The following PLCB1 variants were observed in gnomAD, a reference collection of about 807,000 sequenced individuals.
The protein encoded by PLCB1 is 1-phosphatidylinositol 4,5-bisphosphate phosphodiesterase beta-1.
A neutral mutation model predicts 161.8 loss-of-function variants in PLCB1; 46 were observed. The ratio of observed to expected loss-of-function variants is 0.28; its 90% confidence interval spans 0.22 to 0.36. The LOEUF (loss-of-function observed/expected upper bound fraction) is 0.36, where lower values mean the gene tolerates loss of function less well. PLCB1 is among the 10% of genes least tolerant of loss of function. PLCB1 has a pLI of 1.00. For missense variants in PLCB1, 1,016 were observed against 1,472.5 expected (o/e 0.69, Z 5.07); for synonymous variants, 517 against 503.7 (o/e 1.03, Z -0.35).
At chr20:8,210,245 T>C (rs1000822972) in intron 2 of PLCB1, among the ~76,000 whole-genome samples, 1 of 152,174 alleles carries the variant, frequency 6.6e-6, no homozygotes, top group South Asian at 2.1e-4. Flanking sequence ...AGTATTTCTC[T>C]TTTTCTTTTT....
chr20:8,722,492 C>T (rs1263346186), intron 15 of PLCB1, 71 bp downstream of exon 15: 2 of 1,137,514 alleles, frequency 1.8e-6, no homozygotes, highest in Admixed American at 5.7e-5. Flanking sequence ...GTCTCATGGT[C>T]ACTTTCTGCC....
chr20:8,401,804 A>C (rs761175771), intron 3 of PLCB1, among the ~76,000 whole-genome samples: 31 of 152,148 alleles, frequency 2.0e-4, no homozygotes, highest in Non-Finnish European at 3.4e-4. Context: ...CTTATTGACC[A>C]TGTCCAAGTC....
chr20:8,226,832 C>A (rs1192236886), intron 2 of PLCB1, among the ~76,000 whole-genome samples: 2 of 151,806 alleles, frequency 1.3e-5, no homozygotes, highest in Admixed American at 6.6e-5. Context: ...AGATTACAGG[C>A]ACCTGCCACT....
intron 2 of PLCB1, among the ~76,000 whole-genome samples, chr20:8,280,287 G>C (rs1289606003): frequency 6.6e-6 from 1 of 150,454 alleles, no homozygotes; most frequent in African/African-American, 2.5e-5. Flanking sequence ...TTGAGCAGAG[G>C]TCACACAATT....
intron 3 of PLCB1, among the ~76,000 whole-genome samples, chr20:8,543,889 C>A (rs376025074): frequency 6.6e-6 from 1 of 152,138 alleles, no homozygotes; most frequent in South Asian, 2.1e-4. Context: ...TTGTAAGTTT[C>A]CTGAGGCCTC....
At chr20:8,869,389 C>G (rs1237591054) in intron 31 of PLCB1, among the ~76,000 whole-genome samples, 1 of 152,122 alleles carries the variant, frequency 6.6e-6, no homozygotes, top group Non-Finnish European at 1.5e-5. Context: ...AGAAAGTATT[C>G]CAGTGCTGAC....
At chr20:8,497,764 GAATA>G (rs932266865) in intron 3 of PLCB1, among the ~76,000 whole-genome samples, 2 of 152,072 alleles carry the variant, frequency 1.3e-5, no homozygotes, top group African/African-American at 4.8e-5. Flanking sequence ...AATATGTTTT[GAATA>G]AATAAAGTAT....
At chr20:8,514,782 CTTATA>C (rs1413890131) in intron 3 of PLCB1, among the ~76,000 whole-genome samples, 1 of 151,958 alleles carries the variant, frequency 6.6e-6, no homozygotes, top group Non-Finnish European at 1.5e-5. Flanking sequence ...GGTGAATATT[CTTATA>C]TTATTATTTT....
At chr20:8,857,147 G>A (rs369561986) in intron 31 of PLCB1, among the ~76,000 whole-genome samples, 1 of 152,200 alleles carries the variant, frequency 6.6e-6, no homozygotes, top group Admixed American at 6.5e-5. Context: ...TTGTTCACTT[G>A]CTGGTGGCAG....
intron 3 of PLCB1, among the ~76,000 whole-genome samples, chr20:8,398,503 G>A (rs975060405): frequency 6.6e-6 from 1 of 152,108 alleles, no homozygotes; most frequent in African/African-American, 2.4e-5. Flanking sequence ...TGTCTGCTGA[G>A]GGCCCACTTC....
chr20:8,763,780 A>C (rs1451788164), intron 25 of PLCB1, among the ~76,000 whole-genome samples: 1 of 152,070 alleles, frequency 6.6e-6, no homozygotes, highest in Admixed American at 6.5e-5. Context: ...CGGCCTCCCA[A>C]AGTGCTGGGA....
intron 3 of PLCB1, among the ~76,000 whole-genome samples, chr20:8,439,298 C>G (rs1439178870): frequency 3.9e-5 from 6 of 152,142 alleles, no homozygotes; most frequent in African/African-American, 1.4e-4. Flanking sequence ...CACACCGAAG[C>G]ATTTATTAGA....
chr20:8,209,031 G>T (rs1015337886), intron 2 of PLCB1, among the ~76,000 whole-genome samples: 1 of 152,012 alleles, frequency 6.6e-6, no homozygotes, highest in African/African-American at 2.4e-5. Context: ...AAAATGCTTT[G>T]CAGGCAGTTA....
At chr20:8,196,111 T>A (rs552329372) in intron 2 of PLCB1, among the ~76,000 whole-genome samples, 20 of 152,154 alleles carry the variant, frequency 1.3e-4, no homozygotes, top group African/African-American at 2.4e-5. Context: ...CGCCCCATCA[T>A]TCAATTGTCT....
At chr20:8,540,563 C>A (rs1197812210) in intron 3 of PLCB1, among the ~76,000 whole-genome samples, 1 of 152,156 alleles carries the variant, frequency 6.6e-6, no homozygotes, top group Admixed American at 6.5e-5. Flanking sequence ...CACAAACCTT[C>A]CTGCCAATTC....
intron 1 of PLCB1, among the ~76,000 whole-genome samples, chr20:8,135,573 A>C (rs1341402414): frequency 1.3e-5 from 2 of 152,112 alleles, no homozygotes; most frequent in Non-Finnish European, 2.9e-5. Context: ...CCAGGCGTTA[A>C]TATTTTTGCT....
At chr20:8,694,938 C>T (rs1990553873) in intron 10 of PLCB1, among the ~76,000 whole-genome samples, 1 of 152,176 alleles carries the variant, frequency 6.6e-6, no homozygotes, top group Non-Finnish European at 1.5e-5. Flanking sequence ...TTAGAAATAA[C>T]ATATAAATGT....
At chr20:8,203,003 A>G (rs1401515835) in intron 2 of PLCB1, among the ~76,000 whole-genome samples, 1 of 152,116 alleles carries the variant, frequency 6.6e-6, no homozygotes, top group Non-Finnish European at 1.5e-5. Context: ...GGGAAATATT[A>G]TAGTGCACGT....
At chr20:8,854,518 A>T (rs1386985421) in intron 31 of PLCB1, among the ~76,000 whole-genome samples, 1 of 152,176 alleles carries the variant, frequency 6.6e-6, no homozygotes, top group Non-Finnish European at 1.5e-5. Context: ...CCACAAACTT[A>T]ATCAAGATTA....
Sources: allele counts gnomAD v4.1 joint callset (sites outside exome capture counted in the v4.1 genomes callset), GRCh38; gene constraint gnomAD v4.1.1; transcripts MANE v1.5; gene names NCBI Gene and HGNC (gene_info 2026-07-23, HGNC 2026-07-21).